The following KLF8 variants were observed in gnomAD, a reference collection of about 807,000 sequenced individuals.
KLF8 encodes the protein Krueppel-like factor 8.
KLF8 carries 10 observed loss-of-function variants against 18.2 expected under a neutral mutation model. That is an observed-to-expected ratio of 0.55 (90% CI 0.34 to 0.93). The LOEUF (loss-of-function observed/expected upper bound fraction) is 0.93, where lower values mean the gene tolerates loss of function less well. Ranked by LOEUF, KLF8 falls within the 40% of genes least tolerant of loss-of-function variation. The pLI, the probability that KLF8 is intolerant of heterozygous loss-of-function variation, is 0.02. For missense variants in KLF8, 264 were observed against 277.9 expected (o/e 0.95, Z 0.36); for synonymous variants, 109 against 97.3 (o/e 1.12, Z -0.71).
At chrX:55,975,847 C>T in the KLF8 span, among the ~76,000 whole-genome samples, 561 of 111,930 alleles carry the variant, frequency 5.0e-3, 4 homozygotes, top group African/African-American at 0.017. Context: ...CGGTGGCTTA[C>T]GCCTGTAATC....
chrX:56,194,105 G>A, the KLF8 span, among the ~76,000 whole-genome samples: 1 of 110,575 alleles, frequency 9.0e-6, no homozygotes, highest in African/African-American at 3.3e-5. Context: ...GTTCCAAGAT[G>A]GCCAAATAGG....
intron 3 of KLF8, chrX:56,269,027 C>T (rs755657511): frequency 1.2e-4 from 96 of 825,870 alleles, no homozygotes; most frequent in Non-Finnish European, 1.3e-4. Flanking sequence ...CACACACACA[C>T]GTTGAAACTA....
At chrX:56,220,965 TTATA>T in the KLF8 span, among the ~76,000 whole-genome samples, 6 of 112,937 alleles carry the variant, frequency 5.3e-5, no homozygotes, top group Non-Finnish European at 9.4e-5. Flanking sequence ...TTGTCATAGT[TTATA>T]TAGTTATCTG....
chrX:56,030,931 A>G, the KLF8 span, among the ~76,000 whole-genome samples: 2 of 109,890 alleles, frequency 1.8e-5, no homozygotes, highest in Non-Finnish European at 3.8e-5. Context: ...ACTAGCTGTA[A>G]CCAGGAATCT....
the KLF8 span, among the ~76,000 whole-genome samples, chrX:56,083,800 A>G: frequency 9.0e-6 from 1 of 111,187 alleles, no homozygotes; most frequent in Non-Finnish European, 1.9e-5. Context: ...TGAACTGTGC[A>G]TGTGAGGGAT....
chrX:55,987,576 A>T, the KLF8 span, among the ~76,000 whole-genome samples: 1 of 112,243 alleles, frequency 8.9e-6, no homozygotes, highest in Non-Finnish European at 1.9e-5. Flanking sequence ...TATATGTGCC[A>T]CATTTTCTTA....
At chrX:56,248,926 T>C (rs541621063) in intron 1 of KLF8, among the ~76,000 whole-genome samples, 1 of 111,740 alleles carries the variant, frequency 8.9e-6, no homozygotes, top group Non-Finnish European at 1.9e-5. Context: ...TCCTTTTCTG[T>C]CACTGTCATC....
At chrX:56,033,955 T>G in the KLF8 span, among the ~76,000 whole-genome samples, 1 of 112,530 alleles carries the variant, frequency 8.9e-6, no homozygotes, top group South Asian at 3.6e-4. Flanking sequence ...TAGCAAATCT[T>G]TATCAGATGT....
chrX:56,103,898 T>A, the KLF8 span, among the ~76,000 whole-genome samples: 7 of 111,146 alleles, frequency 6.3e-5, no homozygotes, highest in Non-Finnish European at 1.1e-4. Flanking sequence ...CAATACCTAA[T>A]TTATTGAGAG....
chrX:56,122,757 T>C, the KLF8 span, among the ~76,000 whole-genome samples: 1 of 110,569 alleles, frequency 9.0e-6, no homozygotes, highest in Non-Finnish European at 1.9e-5. Context: ...TTTATATATA[T>C]ATTTCATTTT....
At chrX:56,090,219 A>G in the KLF8 span, among the ~76,000 whole-genome samples, 1 of 112,255 alleles carries the variant, frequency 8.9e-6, no homozygotes, top group Non-Finnish European at 1.9e-5. Context: ...AGACAAACTC[A>G]AGGACACAAG....
At chrX:56,230,040 A>C (rs929254853), upstream of KLF8, among the ~76,000 whole-genome samples, 10 of 112,547 alleles carry the variant, frequency 8.9e-5, no homozygotes, top group African/African-American at 3.2e-4. Context: ...GCTTAAAATA[A>C]ATTTGTCAAC....
the KLF8 span, among the ~76,000 whole-genome samples, chrX:55,952,955 T>C: frequency 4.6e-4 from 51 of 111,903 alleles, no homozygotes; most frequent in Non-Finnish European, 8.8e-4. Flanking sequence ...AGATTGTGAT[T>C]TGCTCAAACT....
the KLF8 span, among the ~76,000 whole-genome samples, chrX:55,944,459 C>T: frequency 9.1e-6 from 1 of 109,896 alleles, no homozygotes; most frequent in Non-Finnish European, 1.9e-5. Context: ...TCCATCTGGT[C>T]CTGGACTCTT....
chrX:56,081,176 C>A, the KLF8 span, among the ~76,000 whole-genome samples: 1 of 111,856 alleles, frequency 8.9e-6, no homozygotes, highest in African/African-American at 3.2e-5. Flanking sequence ...CATCTTTGTT[C>A]TGTTGCTTGT....
At chrX:55,946,950 C>G in the KLF8 span, among the ~76,000 whole-genome samples, 1 of 111,685 alleles carries the variant, frequency 9.0e-6, no homozygotes, top group Non-Finnish European at 1.9e-5. Context: ...CCATCTCACA[C>G]CAGTTAGAAT....
intron 5 of KLF8, among the ~76,000 whole-genome samples, chrX:56,270,631 T>C (rs2067044647): frequency 9.0e-6 from 1 of 111,274 alleles, no homozygotes; most frequent in Non-Finnish European, 1.9e-5. Flanking sequence ...CAGTGAGCCC[T>C]GTGGGTCTTT....
At position 56,284,196 on chromosome X, in the gene KLF8, A is replaced by G. The variant is rs1050028815; in HGVS notation, c.899-117A>G. ...AAAGATTTACAGGCATATGCCTTCA[A>G]GGTTATTGCCTAGCCTTTTCACTAA... On this transcript the variant is annotated intron_variant, in intron 5 of 5. Transcript: ENST00000468660. 1.3e-5 allele frequency: 7 copies of G among 526,933 alleles called. No individual in the cohort carries two copies. In the African/African-American group the frequency reaches 1.7e-4, roughly 13 times the overall value. 43.4% of individuals were successfully genotyped at this position (526,933 alleles called of 1,213,427 possible).
the KLF8 span, among the ~76,000 whole-genome samples, chrX:56,143,153 G>A: frequency 9.0e-6 from 1 of 111,034 alleles, no homozygotes; most frequent in African/African-American, 3.3e-5. Context: ...CTGTGATTTT[G>A]CCACACTGGT....
Sources: gnomAD v4.1 joint callset for allele counts (sites outside exome capture counted in the v4.1 genomes callset) on GRCh38, gnomAD v4.1.1 for gene constraint, MANE v1.5 for transcripts, NCBI Gene and HGNC (gene_info 2026-07-23, HGNC 2026-07-21) for gene names.